Variants in SPATA13 observed in about 807,000 individuals in gnomAD.
The protein encoded by SPATA13 is spermatogenesis-associated protein 13.
A neutral mutation model predicts 104.0 loss-of-function variants in SPATA13; 50 were observed. That is an observed-to-expected ratio of 0.48 (90% CI 0.38 to 0.61). SPATA13 has a LOEUF of 0.61. Ranked by LOEUF, SPATA13 falls within the 20% of genes least tolerant of loss-of-function variation. SPATA13 has a pLI of 0.00. For synonymous variants in SPATA13, 606 were observed against 667.5 expected (o/e 0.91, Z 1.42); for missense variants, 1,524 against 1,690.6 (o/e 0.90, Z 1.73).
intron 3 of SPATA13, among the ~76,000 whole-genome samples, chr13:24,082,856 A>AAAG (rs1879585734): frequency 7.3e-6 from 1 of 137,520 alleles, no homozygotes; most frequent in African/African-American, 2.7e-5. Flanking sequence ...AAAAAAAAAT[A>AAAG]AGATCTTTGC....
intron 1 of SPATA13, among the ~76,000 whole-genome samples, chr13:24,220,688 G>A (rs970321746): frequency 3.3e-5 from 5 of 152,314 alleles, no homozygotes; most frequent in African/African-American, 1.2e-4. Context: ...ACTGCAGAGG[G>A]CGTGTGGTAG....
In SPATA13 at chr13:24,088,597, AAC is replaced by A. The variant is rs1306274775; in HGVS notation, c.-112+70900_-112+70901del. Among the ~76,000 whole-genome samples the A allele has an allele frequency of 6.6e-6, 1 of 152,044 alleles. No individual in the cohort carries two copies. The highest frequency in any genetic ancestry group is 1.5e-5 in the Non-Finnish European group (1 of 68,014). On this transcript the variant is annotated intron_variant, in intron 3 of 14. Transcript: ENST00000424834. The surrounding 1 kb of genome is among the most constrained non-coding windows in gnomAD (Gnocchi z 4.3). The stretch of plus-strand genomic sequence containing the variant: ...CACTCATTTTTAAAATGACATAATA[AAC>A]ACATCTCTTTAACCTCAATTTTCTC...
chr13:24,228,153 G>A lies in SPATA13; in HGVS notation c.1653+3571G>A, dbSNP rs538135169. 6.3e-5 allele frequency among the ~76,000 whole-genome samples: 8 copies of A among 127,272 alleles called. No homozygotes were observed. In the South Asian group the frequency reaches 1.7e-3, roughly 27 times the overall value. 83.5% of individuals were successfully genotyped at this position (127,272 alleles called of 152,430 possible). ...TTTTGAGACGGAGTCTAACTGTGTC[G>A]CCTAGGCTGGAGTGCAGTGGCGTAA... is the stretch of plus-strand genomic sequence containing the variant. On this transcript the variant is annotated intron_variant, in intron 2 of 12. Transcript: ENST00000382108.
At chr13:24,084,214 TG>T (rs1879645430) in intron 3 of SPATA13, among the ~76,000 whole-genome samples, 1 of 152,090 alleles carries the variant, frequency 6.6e-6, no homozygotes, top group African/African-American at 2.4e-5. Flanking sequence ...TTAAATGCGT[TG>T]GGGAGATGTG....
chr13:24,165,232 G>A (rs772998320), intron 1 of SPATA13, among the ~76,000 whole-genome samples: 2 of 152,080 alleles, frequency 1.3e-5, no homozygotes, highest in African/African-American at 2.4e-5. Flanking sequence ...TCACGAGAGC[G>A]CAGACATTGT....
rs1268191710 is a variant in SPATA13, at chr13:24,072,825, C to CTTTTTTTGTTT, written c.-112+55131_-112+55132insGTTTTTTTTTT. Among the ~76,000 whole-genome samples, 3 of 120,652 alleles carry CTTTTTTTGTTT rather than the reference C, an allele frequency of 2.5e-5. No homozygotes were observed. In the East Asian group the frequency reaches 6.9e-4, roughly 28 times the overall value. The allele number at this position is 120,652 out of a possible 152,430, so 79.2% of individuals were successfully genotyped here. ...CCTCCTCAGTGTCTACTGTTGGCTC[C>CTTTTTTTGTTT]TTTTTTTTTTTTTTTTTTACATCCC... is the stretch of plus-strand genomic sequence containing the variant. On this transcript the variant is annotated intron_variant, in intron 3 of 14. Coordinates refer to the SPATA13 transcript ENST00000424834.
At chr13:24,151,991 C>T (rs1259357164) in intron 3 of SPATA13, among the ~76,000 whole-genome samples, 1 of 152,158 alleles carries the variant, frequency 6.6e-6, no homozygotes, top group East Asian at 1.9e-4. Context: ...TCAGGGAATG[C>T]CTGGTTTTCT....
At chr13:24,219,960 A>G (rs547156605) in intron 1 of SPATA13, among the ~76,000 whole-genome samples, 1 of 152,296 alleles carries the variant, frequency 6.6e-6, no homozygotes, top group East Asian at 1.9e-4. Flanking sequence ...GATACCCTTC[A>G]TTCCTGGGTC....
chr13:23,992,904 G>A (rs1875480687), intron 2 of SPATA13, among the ~76,000 whole-genome samples: 1 of 152,224 alleles, frequency 6.6e-6, no homozygotes, highest in Non-Finnish European at 1.5e-5. Context: ...GGCACGGCAA[G>A]AGCTAAGAAG....
Position 24,223,766 on chromosome 13 carries a change from G to T in SPATA13, c.837G>T (p.Thr279=), listed in dbSNP as rs1237815541. 10 of 1,551,760 alleles carry T rather than the reference G, an allele frequency of 6.4e-6. No individual in the cohort carries two copies. Among genetic ancestry groups the T allele is most frequent in the African/African-American group, 1.4e-5 (1 of 73,058 alleles). ...KSTSNLADLR[T]AHDARVPQRT... ...CCTCCAATCTTGCAGACCTCAGGAC[G>T]GCCCATGACGCACGGGTACCACAGA... Residue 279 remains threonine, a synonymous_variant, in exon 2 of 13, where the codon ACG becomes ACT. Transcript: ENST00000382108.
chr13:24,056,776 G>T (rs7985529), intron 3 of SPATA13, among the ~76,000 whole-genome samples: 1 of 152,044 alleles, frequency 6.6e-6, no homozygotes, highest in South Asian at 2.1e-4. Flanking sequence ...AGACAAGTAC[G>T]TTGCTGTGCG....
intron 3 of SPATA13, among the ~76,000 whole-genome samples, chr13:24,092,926 T>C (rs1243369840): frequency 6.6e-6 from 1 of 152,208 alleles, no homozygotes; most frequent in African/African-American, 2.4e-5. Flanking sequence ...TTTTGGTGTT[T>C]GGCATCTTCT....
intron 2 of SPATA13, among the ~76,000 whole-genome samples, chr13:23,999,672 A>G (rs1875866047): frequency 6.6e-6 from 1 of 152,130 alleles, no homozygotes; most frequent in Admixed American, 6.5e-5. Flanking sequence ...GGCTCAGGGT[A>G]TTTGTTTCTG....
intron 1 of SPATA13, among the ~76,000 whole-genome samples, chr13:24,187,914 T>C (rs1869254718): frequency 6.6e-6 from 1 of 152,166 alleles, no homozygotes; most frequent in Admixed American, 6.6e-5. Context: ...CTATTTTAAA[T>C]CCAAAGCTAG....
intron 4 of SPATA13, among the ~76,000 whole-genome samples, chr13:24,264,326 G>A (rs1043450804): frequency 6.6e-6 from 1 of 152,168 alleles, no homozygotes; most frequent in African/African-American, 2.4e-5. Context: ...GAGCAAGACA[G>A]CTAAATGTCT....
chr13:24,300,168 A>G (rs1877084081), intron 11 of SPATA13, among the ~76,000 whole-genome samples: 2 of 151,932 alleles, frequency 1.3e-5, no homozygotes, highest in Non-Finnish European at 2.9e-5. Flanking sequence ...GCACCACCCC[A>G]TTTCACTCTC....
chr13:23,993,803 A>G (rs1875533067), intron 2 of SPATA13, among the ~76,000 whole-genome samples: 1 of 152,216 alleles, frequency 6.6e-6, no homozygotes, highest in Non-Finnish European at 1.5e-5. Flanking sequence ...CCCTGCTCAC[A>G]GCAGGCAGTA....
Position 24,187,263 on chromosome 13 carries a change from C to G in SPATA13, c.-112+26331C>G, listed in dbSNP as rs183440730. Among the ~76,000 whole-genome samples, 1,097 of 152,250 alleles carry G rather than the reference C, an allele frequency of 7.2e-3. 4 individuals carry two copies. Among genetic ancestry groups the G allele is most frequent in the Non-Finnish European group, 0.011 (777 of 68,010 alleles). On this transcript the variant is annotated intron_variant, in intron 1 of 12. Transcript: ENST00000382108. ...TTTTCTGTTGCAGTCATCCCTGCCTCAGAGTGACACATGAGTCATGACTGG... is the reference window on the plus strand; with the variant it reads ...TTTTCTGTTGCAGTCATCCCTGCCTGAGAGTGACACATGAGTCATGACTGG...
chr13:24,050,796 C>T (rs1878312038), intron 3 of SPATA13, among the ~76,000 whole-genome samples: 4 of 152,166 alleles, frequency 2.6e-5, no homozygotes, highest in African/African-American at 9.7e-5. Flanking sequence ...GGCCAAGGTG[C>T]CTCATGCCAC....
Sources: gnomAD v4.1 joint callset for allele counts (sites outside exome capture counted in the v4.1 genomes callset) on GRCh38, gnomAD v4.1.1 for gene constraint, Gnocchi (gnomAD v3.1) non-coding constraint, MANE v1.5 for transcripts, NCBI Gene and HGNC (gene_info 2026-07-23, HGNC 2026-07-21) for gene names.